The following BCAS3 variants were observed in gnomAD, a reference collection of about 807,000 sequenced individuals.
The protein encoded by BCAS3 is BCAS3 microtubule associated cell migration factor.
A neutral mutation model predicts 116.1 loss-of-function variants in BCAS3; 53 were observed. The ratio of observed to expected loss-of-function variants is 0.46; its 90% CI spans 0.37 to 0.57. The LOEUF (loss-of-function observed/expected upper bound fraction) is 0.57, where lower values mean the gene tolerates loss of function less well. BCAS3 is among the 20% of genes least tolerant of loss of function. BCAS3 has a pLI of 0.00. For missense variants in BCAS3, 917 were observed against 1,165.4 expected (o/e 0.79, Z 3.10); for synonymous variants, 391 against 408.2 (o/e 0.96, Z 0.51).
At chr17:60,777,439 A>G (rs1231647310) in intron 6 of BCAS3, among the ~76,000 whole-genome samples, 1 of 152,094 alleles carries the variant, frequency 6.6e-6, no homozygotes, top group Non-Finnish European at 1.5e-5. Flanking sequence ...AGCCTGGCCA[A>G]CATGGCAAAA....
intron 6 of BCAS3, among the ~76,000 whole-genome samples, chr17:60,778,430 A>G (rs1293108613): frequency 6.6e-6 from 1 of 152,206 alleles, no homozygotes; most frequent in Non-Finnish European, 1.5e-5. Context: ...GCAAAATTTT[A>G]AATTAATAAA....
At chr17:61,074,805 TAAAG>T in intron 19 of BCAS3, 111 bp from the exon 20 acceptor site, 1 of 519,780 alleles carries the variant, frequency 1.9e-6, no homozygotes, top group Non-Finnish European at 3.2e-6. Context: ...CTTTTTGCTT[TAAAG>T]TATTATATTT....
At chr17:61,055,544 G>T (rs574609026) in intron 19 of BCAS3, among the ~76,000 whole-genome samples, 13 of 152,200 alleles carry the variant, frequency 8.5e-5, no homozygotes, top group South Asian at 4.2e-4. Context: ...AGTGACCTCT[G>T]CCCCCTGGGT....
intron 6 of BCAS3, among the ~76,000 whole-genome samples, chr17:60,768,815 G>A (rs927708653): frequency 6.6e-6 from 1 of 152,148 alleles, no homozygotes; most frequent in African/African-American, 2.4e-5. Context: ...AGTGTCAGCG[G>A]GCCTAGGTGG....
At chr17:61,242,703 T>G (rs1158395279) in intron 22 of BCAS3, among the ~76,000 whole-genome samples, 4 of 152,340 alleles carry the variant, frequency 2.6e-5, no homozygotes, top group African/African-American at 9.6e-5. Flanking sequence ...GCCTTGTTTT[T>G]GCTTACATAA....
chr17:60,891,484 C>T (rs2057145314), intron 10 of BCAS3, among the ~76,000 whole-genome samples: 1 of 152,198 alleles, frequency 6.6e-6, no homozygotes, highest in Non-Finnish European at 1.5e-5. Context: ...CAAAATATTT[C>T]TAGATAAATG....
chr17:60,822,487 AG>A (rs2050049099), intron 7 of BCAS3, among the ~76,000 whole-genome samples: 1 of 152,216 alleles, frequency 6.6e-6, no homozygotes, highest in Admixed American at 6.5e-5. Flanking sequence ...GCTCTTGAAA[AG>A]CTATACCTAT....
intron 7 of BCAS3, among the ~76,000 whole-genome samples, chr17:60,812,856 C>T (rs1277936170): frequency 1.3e-5 from 2 of 152,138 alleles, no homozygotes; most frequent in Non-Finnish European, 2.9e-5. Context: ...CCTCCCATCT[C>T]AGCCTCCTGA....
intron 22 of BCAS3, among the ~76,000 whole-genome samples, chr17:61,119,755 AG>A (rs2075687601): frequency 6.6e-6 from 1 of 152,108 alleles, no homozygotes; most frequent in Non-Finnish European, 1.5e-5. Context: ...TTTTTCACTT[AG>A]AAAATTCAAG....
intron 21 of BCAS3, among the ~76,000 whole-genome samples, chr17:61,080,742 A>C (rs531013658): frequency 5.3e-5 from 8 of 152,360 alleles, no homozygotes; most frequent in African/African-American, 1.9e-4. Context: ...CCTGGGCAAC[A>C]GAGTGAGACT....
At chr17:61,273,664 C>T (rs1032353933) in intron 22 of BCAS3, among the ~76,000 whole-genome samples, 1 of 150,300 alleles carries the variant, frequency 6.7e-6, no homozygotes, top group Admixed American at 6.6e-5. Flanking sequence ...GCCTGACCCT[C>T]CCTCTAAGAC....
At chr17:60,976,634 G>A (rs2062399291) in intron 14 of BCAS3, among the ~76,000 whole-genome samples, 1 of 151,980 alleles carries the variant, frequency 6.6e-6, no homozygotes, top group Non-Finnish European at 1.5e-5. Context: ...AGGGAGTGGT[G>A]ATGACTCTTA....
chr17:60,767,283 T>C (rs1198464757), intron 6 of BCAS3, among the ~76,000 whole-genome samples: 2 of 151,578 alleles, frequency 1.3e-5, no homozygotes, highest in Non-Finnish European at 2.9e-5. Context: ...GCGTCGATCA[T>C]GCTGGGAACT....
Position 61,145,915 on chromosome 17 carries a change from G to A in BCAS3, c.2425+61351G>A, listed in dbSNP as rs975628903. Among the ~76,000 whole-genome samples the A allele has an allele frequency of 6.6e-6, 1 of 151,564 alleles. No individual in the cohort carries two copies. The highest frequency in any genetic ancestry group is 2.4e-5 in the African/African-American group (1 of 41,218). On this transcript the variant is annotated intron_variant, in intron 22 of 23. Transcript: ENST00000407086. The surrounding 1 kb of genome is among the most constrained non-coding windows in gnomAD (Gnocchi z 5.0). ...CCCAGGCCACTTGTTTGCAGAGACT[G>A]CCAAACCTTCCATTGCCGCTTCCAA...
intron 22 of BCAS3, among the ~76,000 whole-genome samples, chr17:61,093,470 C>G (rs1354795800): frequency 6.6e-6 from 1 of 151,998 alleles, no homozygotes; most frequent in Middle Eastern, 3.2e-3. Flanking sequence ...AACTGTTGTC[C>G]CAGCTACTTA....
Position 61,323,511 on chromosome 17 carries a change from C to T in BCAS3, c.2426-44816C>T, listed in dbSNP as rs1168728926. 3.9e-5 allele frequency among the ~76,000 whole-genome samples: 6 copies of T among 152,178 alleles called. No individual in the cohort carries two copies. The highest frequency in any genetic ancestry group is 8.8e-5 in the Non-Finnish European group (6 of 68,036). The stretch of plus-strand genomic sequence containing the variant: ...GTGAACTGAAGCTAATTTCTCCTAC[C>T]TGGGAGGATTGATATGGAAGAGAAA... On this transcript the variant is annotated intron_variant, in intron 22 of 23. Transcript: ENST00000407086. This position sits in a 1 kb window ranked among gnomAD's most constrained non-coding sequence, Gnocchi z 4.6.
chr17:61,060,375 G>A (rs1470387814), intron 19 of BCAS3, among the ~76,000 whole-genome samples: 1 of 151,494 alleles, frequency 6.6e-6, no homozygotes, highest in Non-Finnish European at 1.5e-5. Context: ...GACCTCATGA[G>A]CCACCCCGCT....
intron 22 of BCAS3, among the ~76,000 whole-genome samples, chr17:61,187,031 G>A (rs1365235786): frequency 2.0e-5 from 3 of 152,086 alleles, no homozygotes; most frequent in Non-Finnish European, 4.4e-5. Flanking sequence ...TATTCTTCCA[G>A]AAATGTTTTA....
intron 22 of BCAS3, among the ~76,000 whole-genome samples, chr17:61,119,689 A>G (rs1369647403): frequency 6.6e-6 from 1 of 152,036 alleles, no homozygotes; most frequent in African/African-American, 2.4e-5. Flanking sequence ...AGTAATATAT[A>G]TATATAAAAA....
Sources: gnomAD v4.1 joint callset for allele counts (sites outside exome capture counted in the v4.1 genomes callset) on GRCh38, gnomAD v4.1.1 for gene constraint, Gnocchi (gnomAD v3.1) non-coding constraint, MANE v1.5 for transcripts, NCBI Gene and HGNC (gene_info 2026-07-23, HGNC 2026-07-21) for gene names.